CACNA2D3: variants seen among roughly 807,000 people sequenced by gnomAD.
CACNA2D3 encodes the protein calcium voltage-gated channel auxiliary subunit alpha2delta 3, also known as voltage-dependent calcium channel subunit alpha-2/delta-3.
Under a neutral mutation model 160.6 loss-of-function variants are expected in CACNA2D3, and 60 were observed. The observed-to-expected ratio is 0.37, with a 90% CI of 0.30 to 0.46. The LOEUF (loss-of-function observed/expected upper bound fraction) is 0.46. Ranked by LOEUF, CACNA2D3 falls within the 20% of genes least tolerant of loss-of-function variation. The probability of loss-of-function intolerance (pLI) is 1.00; values close to 1 mark genes in which losing one functional copy is unlikely to be tolerated. For synonymous variants in CACNA2D3, 558 were observed against 492.9 expected (o/e 1.13, Z -1.75); for missense variants, 1,205 against 1,365.0 (o/e 0.88, Z 1.85).
chr3:55,066,910 G>A (rs1704653490), intron 35 of CACNA2D3, among the ~76,000 whole-genome samples: 1 of 152,154 alleles, frequency 6.6e-6, no homozygotes, highest in Non-Finnish European at 1.5e-5. Flanking sequence ...CAGCCTGGCT[G>A]CTGGGCCCAG....
chr3:54,785,285 A>G (rs1045544704), intron 13 of CACNA2D3, among the ~76,000 whole-genome samples: 6 of 152,110 alleles, frequency 3.9e-5, no homozygotes, highest in East Asian at 1.9e-4. Flanking sequence ...CTCCCCTCCT[A>G]TGTTATGTAA....
intron 27 of CACNA2D3, among the ~76,000 whole-genome samples, chr3:54,914,941 A>G (rs1575368023): frequency 6.6e-6 from 1 of 152,238 alleles, no homozygotes; most frequent in Non-Finnish European, 1.5e-5. Context: ...TGTGTGCTAC[A>G]GATAGATTAT....
chr3:54,210,362 G>A (rs1055653002), intron 2 of CACNA2D3, among the ~76,000 whole-genome samples: 2 of 152,130 alleles, frequency 1.3e-5, no homozygotes, highest in Non-Finnish European at 2.9e-5. Context: ...AGATTGCCTA[G>A]TGTACTTCCT....
chr3:54,918,422 G>A (rs1559628435), intron 27 of CACNA2D3: 1 of 1,541,616 alleles, frequency 6.5e-7, no homozygotes, highest in Non-Finnish European at 8.8e-7. Context: ...ACTATCTTCT[G>A]GCCTGCAATG....
At chr3:54,831,397 C>T (rs1026001903) in intron 14 of CACNA2D3, among the ~76,000 whole-genome samples, 1 of 152,226 alleles carries the variant, frequency 6.6e-6, no homozygotes, top group Admixed American at 6.5e-5. Context: ...TGCCACCAGT[C>T]CTGGCAAGCT....
intron 4 of CACNA2D3, among the ~76,000 whole-genome samples, chr3:54,446,176 A>G (rs980929631): frequency 6.6e-6 from 1 of 152,214 alleles, no homozygotes; most frequent in African/African-American, 2.4e-5. Context: ...AGAGGCTTCA[A>G]TTTCAACAAC....
chr3:54,830,234 C>T (rs1458067511), intron 14 of CACNA2D3, among the ~76,000 whole-genome samples: 5 of 152,088 alleles, frequency 3.3e-5, no homozygotes, highest in South Asian at 4.2e-4. Context: ...TGAGCCACCA[C>T]GCCCAGCCCA....
At chr3:54,965,562 C>T (rs1051576120) in intron 27 of CACNA2D3, among the ~76,000 whole-genome samples, 6 of 152,162 alleles carry the variant, frequency 3.9e-5, no homozygotes, top group South Asian at 2.1e-4. Context: ...CTCAACTGGA[C>T]GTGGAGGGAG....
intron 35 of CACNA2D3, among the ~76,000 whole-genome samples, chr3:55,055,080 T>C (rs1185648067): frequency 5.9e-5 from 9 of 152,098 alleles, no homozygotes; most frequent in Admixed American, 5.9e-4. Context: ...CTTTTTTATA[T>C]AAGAAACATG....
intron 26 of CACNA2D3, chr3:54,897,102 C>A (rs1166137026): frequency 4.0e-6 from 2 of 503,310 alleles, no homozygotes; most frequent in Non-Finnish European, 7.1e-6. Flanking sequence ...TTTCAGGAAG[C>A]AGGGCTGATG....
chr3:54,868,278 T>G (rs1383740888), intron 17 of CACNA2D3, among the ~76,000 whole-genome samples: 1 of 152,194 alleles, frequency 6.6e-6, no homozygotes, highest in African/African-American at 2.4e-5. Context: ...GAAAAGTGTT[T>G]CATACCCATT....
At chr3:54,576,194 A>T (rs1391826449) in intron 8 of CACNA2D3, among the ~76,000 whole-genome samples, 3 of 152,264 alleles carry the variant, frequency 2.0e-5, no homozygotes, top group South Asian at 4.2e-4. Flanking sequence ...TGAAAGCGGA[A>T]TTGCTTTCAT....
chr3:54,279,780 CT>C (rs1458535283), intron 2 of CACNA2D3, among the ~76,000 whole-genome samples: 3 of 152,266 alleles, frequency 2.0e-5, no homozygotes, highest in African/African-American at 7.2e-5. Flanking sequence ...AATGGAGGGC[CT>C]TGTCTTGAGG....
intron 4 of CACNA2D3, among the ~76,000 whole-genome samples, chr3:54,434,961 A>G (rs1036256785): frequency 3.3e-5 from 5 of 152,198 alleles, no homozygotes; most frequent in African/African-American, 1.2e-4. Flanking sequence ...GGAAATCCCC[A>G]GGCCAGGTTT....
At chr3:54,522,980 A>G (rs568754987) in intron 5 of CACNA2D3, among the ~76,000 whole-genome samples, 2 of 152,082 alleles carry the variant, frequency 1.3e-5, no homozygotes, top group African/African-American at 4.8e-5. Flanking sequence ...TTACTGACCA[A>G]CCTACCTATT....
chr3:54,547,178 G>A (rs924091961), intron 5 of CACNA2D3, among the ~76,000 whole-genome samples: 2 of 152,166 alleles, frequency 1.3e-5, no homozygotes, highest in Non-Finnish European at 2.9e-5. Flanking sequence ...TGGAGTCCTT[G>A]TTAATAGTTC....
chr3:54,848,134 C>G (rs1575509492), intron 17 of CACNA2D3, among the ~76,000 whole-genome samples: 1 of 152,202 alleles, frequency 6.6e-6, no homozygotes, highest in Non-Finnish European at 1.5e-5. Context: ...GCTTTGCCAA[C>G]AAACATTTGC....
intron 4 of CACNA2D3, among the ~76,000 whole-genome samples, chr3:54,480,197 A>G (rs969953972): frequency 6.6e-6 from 1 of 152,166 alleles, no homozygotes; most frequent in East Asian, 1.9e-4. Flanking sequence ...AAAGAAGGAA[A>G]GAAAACTTCC....
chr3:54,163,949 TGGAGAG>T (rs1189201530), intron 2 of CACNA2D3, among the ~76,000 whole-genome samples: 1 of 152,156 alleles, frequency 6.6e-6, no homozygotes, highest in Non-Finnish European at 1.5e-5. Flanking sequence ...GGTTGGTTCC[TGGAGAG>T]GGAGAGGGAA....
Sources: allele counts gnomAD v4.1 joint callset (sites outside exome capture counted in the v4.1 genomes callset), GRCh38; gene constraint gnomAD v4.1.1; transcripts MANE v1.5; gene names NCBI Gene and HGNC (gene_info 2026-07-23, HGNC 2026-07-21).